The following SLC24A3 variants were observed in gnomAD, a reference collection of about 807,000 sequenced individuals.
SLC24A3 encodes sodium/potassium/calcium exchanger 3.
In SLC24A3, 28 loss-of-function variants were observed where a neutral mutation model predicts 75.8. The observed-to-expected ratio is 0.37, with a 90% CI of 0.27 to 0.51. SLC24A3 has a LOEUF of 0.51. Among genes scored for constraint, SLC24A3 ranks in the 20% least tolerant of loss-of-function variants. The probability of loss-of-function intolerance (pLI) is 0.94; values close to 1 mark genes in which losing one functional copy is unlikely to be tolerated. For synonymous variants in SLC24A3, 372 were observed against 334.1 expected (o/e 1.11, Z -1.24); for missense variants, 663 against 847.8 (o/e 0.78, Z 2.71).
chr20:19,331,339 G>A (rs1984994327), intron 2 of SLC24A3, among the ~76,000 whole-genome samples: 2 of 152,128 alleles, frequency 1.3e-5, no homozygotes, highest in African/African-American at 4.8e-5. Context: ...AGGAAAAATG[G>A]TATAGATAGA....
At chr20:19,611,087 C>T (rs73115846) in intron 6 of SLC24A3, among the ~76,000 whole-genome samples, 18,421 of 152,262 alleles carry the variant, frequency 0.12, 1,254 homozygotes, top group Non-Finnish European at 0.16. Context: ...CCCTTTTCAA[C>T]AAGGATGGCA....
At chr20:19,233,228 T>G (rs6106037) in intron 1 of SLC24A3, among the ~76,000 whole-genome samples, 11,256 of 152,276 alleles carry the variant, frequency 0.074, 489 homozygotes, top group Middle Eastern at 0.12. Flanking sequence ...CTCCCCGTGG[T>G]TGTACAAGCC....
chr20:19,308,198 GT>G (rs1272563529), intron 2 of SLC24A3, among the ~76,000 whole-genome samples: 3 of 152,138 alleles, frequency 2.0e-5, no homozygotes, highest in Non-Finnish European at 4.4e-5. Context: ...GGGCTATGAG[GT>G]TTTCTAACGG....
chr20:19,513,115 A>G (rs2029914459), intron 2 of SLC24A3, among the ~76,000 whole-genome samples: 1 of 152,226 alleles, frequency 6.6e-6, no homozygotes, highest in Non-Finnish European at 1.5e-5. Context: ...TGCAAAGAAA[A>G]AAAAAAGCCT....
chr20:19,507,247 CT>C lies in SLC24A3; in HGVS notation c.272-8239del, dbSNP rs938830615. On this transcript the variant is annotated intron_variant, in intron 2 of 16. Coordinates refer to ENST00000328041, the MANE Select transcript of SLC24A3 (RefSeq NM_020689.4). Reference sequence around the variant, plus strand: ...CAGAGAAGAATCAATATCCTACAACCTTAACCTCCCTCCCCCAGTCTACTGG... The same window carrying C: ...CAGAGAAGAATCAATATCCTACAACCTAACCTCCCTCCCCCAGTCTACTGG... Among the ~76,000 whole-genome samples, 7 of 152,294 alleles carry C rather than the reference CT, an allele frequency of 4.6e-5. No homozygotes were observed. In the South Asian group the frequency reaches 1.0e-3, roughly 23 times the overall value.
At chr20:19,250,500 GT>G (rs1443907180) in intron 1 of SLC24A3, among the ~76,000 whole-genome samples, 2 of 152,222 alleles carry the variant, frequency 1.3e-5, no homozygotes, top group Non-Finnish European at 2.9e-5. Flanking sequence ...TTTCTTCAGT[GT>G]TTTTAATTGA....
At chr20:19,619,534 T>G (rs1282318008) in intron 6 of SLC24A3, among the ~76,000 whole-genome samples, 1 of 152,226 alleles carries the variant, frequency 6.6e-6, no homozygotes, top group African/African-American at 2.4e-5. Flanking sequence ...TGAGAATGGT[T>G]GTTTTATGCT....
intron 2 of SLC24A3, among the ~76,000 whole-genome samples, chr20:19,452,376 ATGTGTGTGTGTGTG>A (rs34840970): frequency 1.0e-3 from 114 of 113,066 alleles, no homozygotes; most frequent in East Asian, 1.5e-3. Context: ...CCTGTGGGGG[ATGTGTGTGTGTGTG>A]TGTGTGTGTG....
chr20:19,518,246 C>T (rs1364556950), intron 3 of SLC24A3, among the ~76,000 whole-genome samples: 1 of 152,228 alleles, frequency 6.6e-6, no homozygotes, highest in Admixed American at 6.5e-5. Flanking sequence ...ATACAGACTT[C>T]CTGCACTTGG....
intron 2 of SLC24A3, among the ~76,000 whole-genome samples, chr20:19,314,269 T>TTTTA (rs1259365057): frequency 2.0e-5 from 3 of 149,958 alleles, no homozygotes; most frequent in African/African-American, 4.9e-5. Flanking sequence ...CTTTTTTTGT[T>TTTTA]TTTATTTATT....
intron 9 of SLC24A3, among the ~76,000 whole-genome samples, chr20:19,678,740 C>A (rs2032568117): frequency 6.7e-6 from 1 of 149,672 alleles, no homozygotes; most frequent in Admixed American, 6.6e-5. Context: ...CTCCTCATTT[C>A]TCAGACGGGG....
chr20:19,459,028 C>T (rs1213630472), intron 2 of SLC24A3, among the ~76,000 whole-genome samples: 8 of 152,108 alleles, frequency 5.3e-5, no homozygotes, highest in Non-Finnish European at 1.0e-4. Flanking sequence ...CTCACTTCCC[C>T]CCTCCAACAT....
chr20:19,435,201 C>T (rs1336316083), intron 2 of SLC24A3, among the ~76,000 whole-genome samples: 2 of 152,200 alleles, frequency 1.3e-5, no homozygotes, highest in Non-Finnish European at 2.9e-5. Flanking sequence ...CAATTACCAG[C>T]TGCAGAAAGT....
At chr20:19,435,319 G>T (rs1987179111) in intron 2 of SLC24A3, among the ~76,000 whole-genome samples, 1 of 152,192 alleles carries the variant, frequency 6.6e-6, no homozygotes, top group African/African-American at 2.4e-5. Flanking sequence ...GCCCATGCAA[G>T]AACCTGCCAT....
rs73902341 is a variant in SLC24A3, at chr20:19,373,167, C to T, written c.271+92080C>T. ...CCTGTCTCACTTTGTCTATTCACACCGAAGCTTTTAGGTCTGGTTTTTGTT... is the reference window on the plus strand; with the variant it reads ...CCTGTCTCACTTTGTCTATTCACACTGAAGCTTTTAGGTCTGGTTTTTGTT... On this transcript the variant is annotated intron_variant, in intron 2 of 16. Coordinates refer to ENST00000328041, the MANE Select transcript of SLC24A3 (RefSeq NM_020689.4). Among the ~76,000 whole-genome samples the T allele has an allele frequency of 2.7e-3, 418 of 152,178 alleles. 4 individuals are homozygous for T. Among genetic ancestry groups the T allele is most frequent in the African/African-American group, 9.7e-3 (404 of 41,526 alleles).
intron 3 of SLC24A3, among the ~76,000 whole-genome samples, chr20:19,572,043 G>A (rs1257803275): frequency 6.6e-6 from 1 of 152,142 alleles, no homozygotes; most frequent in Non-Finnish European, 1.5e-5. Context: ...CTAATAAAAG[G>A]TACATGACCT....
intron 3 of SLC24A3, among the ~76,000 whole-genome samples, chr20:19,579,271 G>A (rs930466595): frequency 5.9e-5 from 9 of 152,164 alleles, no homozygotes; most frequent in Admixed American, 2.0e-4. Flanking sequence ...GGAAACATGC[G>A]GTTGGATACA....
At chr20:19,568,685 T>C (rs1214905755) in intron 3 of SLC24A3, among the ~76,000 whole-genome samples, 2 of 152,216 alleles carry the variant, frequency 1.3e-5, no homozygotes, top group Non-Finnish European at 2.9e-5. Flanking sequence ...TGGATGGCGA[T>C]GATGGTTTCA....
chr20:19,513,736 T>TAAAA (rs74180954), intron 2 of SLC24A3, among the ~76,000 whole-genome samples: 12,488 of 122,658 alleles, frequency 0.1, 599 homozygotes, highest in East Asian at 0.22. Flanking sequence ...GCTTTTTTTT[T>TAAAA]AGAAAAAAAA....
Sources: gnomAD v4.1 joint callset for allele counts (sites outside exome capture counted in the v4.1 genomes callset) on GRCh38, gnomAD v4.1.1 for gene constraint, MANE v1.5 for transcripts, NCBI Gene and HGNC (gene_info 2026-07-23, HGNC 2026-07-21) for gene names.